The following SAA2 variants were observed in gnomAD, a reference collection of about 807,000 sequenced individuals.
The protein encoded by SAA2 is serum amyloid A-2 protein.
Under a neutral mutation model 9.1 loss-of-function variants are expected in SAA2, and 5 were observed. That is an observed-to-expected ratio of 0.55 (90% CI 0.29 to 1.16). The LOEUF is 1.16. Among genes scored for constraint, SAA2 ranks in the 50% most tolerant of loss-of-function variants. The pLI is 0.09. For missense variants in SAA2, 94 were observed against 153.8 expected, an observed-to-expected ratio of 0.61 and a Z score of 2.06; for synonymous variants, 49 against 59.8, an observed-to-expected ratio of 0.82 and a Z score of 0.83.
rs750662874 is a variant in SAA2 at position 18,245,459 on chromosome 11, G to A, written c.287C>T (p.Ala96Val). The change falls in exon 4 of 4, where the codon GCC (alanine) becomes GTC (valine). Residue 96 changes from alanine to valine, a missense_variant. Ala to Val is a moderately conservative substitution (Grantham distance 64). Around this residue, in one of 2 missense-constraint regions of SAA2, gnomAD observed 62 missense variants for 58.3 expected, o/e 1.06. Coordinates refer to ENST00000256733, the MANE Select transcript of SAA2 (RefSeq NM_030754.5). ...LTGRGAEDSL[A>V]DQAANKWGRS... The stretch of plus-strand genomic sequence containing the variant: ...GCCCCATTTATTGGCAGCCTGATCG[G>A]CCAGCGAGTCCTCCGCACCACGGCC... 6.2e-7 allele frequency: 1 copy of A among 1,614,196 alleles called. No individual in the cohort carries two copies. The highest frequency in any genetic ancestry group is 2.2e-5 in the East Asian group (1 of 44,878).
downstream of SAA2, among the ~76,000 whole-genome samples, chr11:18,244,526 T>G (rs918009305): frequency 6.6e-6 from 1 of 152,262 alleles, no homozygotes; most frequent in Admixed American, 6.5e-5. Context: ...TTCTGTACTC[T>G]TAGAAGTTAA....
chr11:18,246,073 G>A, intron 2 of SAA2, 25 bp from the exon 3 acceptor site: 1 of 1,608,478 alleles, frequency 6.2e-7, no homozygotes, highest in African/African-American at 1.3e-5. Context: ...AAAGGCAGAA[G>A]GGACATCAGG....
chr11:18,243,763 A>T (rs1473897335), downstream of SAA2, among the ~76,000 whole-genome samples: 1 of 152,194 alleles, frequency 6.6e-6, no homozygotes, highest in Admixed American at 6.5e-5. Flanking sequence ...TAATTTTATA[A>T]CTAGTCTTCT....
At chr11:18,241,916 GAATA>G (rs751309662), downstream of SAA2, among the ~76,000 whole-genome samples, 111 of 152,116 alleles carry the variant, frequency 7.3e-4, no homozygotes, top group Admixed American at 2.8e-3. Flanking sequence ...ATAAATGAAT[GAATA>G]TTTTAAATAA....
downstream of SAA2, among the ~76,000 whole-genome samples, chr11:18,243,522 G>T (rs779690014): frequency 2.0e-5 from 3 of 152,112 alleles, no homozygotes; most frequent in Non-Finnish European, 4.4e-5. Flanking sequence ...CTGCTCCCAT[G>T]AGCCAATCTT....
chr11:18,245,761 C>A, intron 3 of SAA2, 149 bp downstream of exon 3: 2 of 1,457,418 alleles, frequency 1.4e-6, no homozygotes, highest in Non-Finnish European at 1.8e-6. Flanking sequence ...CCACTCAGAC[C>A]CTCACACTGA....
intron 3 of SAA2, 102 bp downstream of exon 3, chr11:18,245,808 C>T (rs1378390377): frequency 2.2e-6 from 3 of 1,392,604 alleles, no homozygotes; most frequent in East Asian, 5.2e-5. Flanking sequence ...GAGGAGGGAC[C>T]ACAGCCTCTA....
At chr11:18,241,646 A>G (rs1462607300), downstream of SAA2, among the ~76,000 whole-genome samples, 7 of 152,224 alleles carry the variant, frequency 4.6e-5, no homozygotes, top group Non-Finnish European at 1.0e-4. Flanking sequence ...TAAGTGAAAT[A>G]ACCCAGAAAG....
rs751024797 is a variant in SAA2 at position 18,245,912 on chromosome 11, G to T, written c.228C>A (p.Ile76=). ...GPGGAWAAEV[I]SNARENIQRL... The stretch of plus-strand genomic sequence containing the variant: ...AACGTCCCAGGAGCTCCAGTTACCT[G>T]ATCACTTCTGCAGCCCAGGCACCCC... The change falls in exon 3 of 4, where the codon ATC becomes ATA. Residue 76 remains isoleucine (I), a splice_region_variant and synonymous_variant. Transcript: ENST00000256733. 6.2e-7 allele frequency: 1 copy of T among 1,613,916 alleles called. No individual in the cohort carries two copies. Among genetic ancestry groups the T allele is most frequent in the African/African-American group, 1.3e-5 (1 of 74,908 alleles).
At chr11:18,245,607 G>A (rs910484918) in intron 3 of SAA2, 92 bp from the exon 4 acceptor site, 10 of 1,530,766 alleles carry the variant, frequency 6.5e-6, no homozygotes, top group African/African-American at 2.7e-5. Context: ...GGAGGGCTCA[G>A]AGAGGAGCCC....
At position 18,245,855 on chromosome 11, in the gene SAA2, C is replaced by T. The variant is rs1857503787; in HGVS notation, c.230+55G>A. ...AGGAGCTCGTCTCCCTCCTGACTGTCCAAGGCAGGCAAGCTCTGCTCACCC... is the reference window on the plus strand; with the variant it reads ...AGGAGCTCGTCTCCCTCCTGACTGTTCAAGGCAGGCAAGCTCTGCTCACCC... On this transcript the variant is annotated intron_variant, in intron 3 of 3. Transcript: ENST00000256733. 13 of 1,608,142 alleles carry T rather than the reference C, an allele frequency of 8.1e-6. 1 individual carries two copies. The Middle Eastern group carries it at 9.9e-4, about 123-fold the overall frequency.
Position 18,245,424 on chromosome 11 carries a change from T to C in SAA2, c.322A>G (p.Arg108Gly). ...GCAGGTCGGAAGTGATTGGGGTCTC[T>C]GCCACTCCTGCCCCATTTATTGGCA... is the stretch of plus-strand genomic sequence containing the variant. ...QAANKWGRSG[R>G]DPNHFRPAGL... The change falls in exon 4 of 4, where the codon AGA becomes GGA. Residue 108 changes from arginine to glycine, a missense_variant. Transcript: ENST00000256733. The C allele has an allele frequency of 2.5e-6, 4 of 1,614,248 alleles. No homozygotes were observed. The highest frequency in any genetic ancestry group is 3.4e-6 in the Non-Finnish European group (4 of 1,180,040).
chr11:18,245,480 C>T lies in SAA2; in HGVS notation c.266G>A (p.Arg89His), dbSNP rs2468844. 0.85 allele frequency: 1,373,700 copies of T among 1,613,990 alleles called. 587,906 individuals carry two copies. The highest frequency in any genetic ancestry group is 0.92 in the East Asian group (41,149 of 44,870). ...ATCGGCCAGCGAGTCCTCCGCACCA[C>T]GGCCTGTGAGTCTCTGGATATTCTC... Reference protein sequence around the residue: ...ARENIQRLTGRGAEDSLADQA... With the variant: ...ARENIQRLTGHGAEDSLADQA... The change falls in exon 4 of 4, where the codon CGT (arginine) becomes CAT (histidine). Residue 89 changes from arginine (R) to histidine (H), a missense_variant. By Grantham distance (29) the Arg-to-His change is conservative. Around this residue, in one of 2 missense-constraint regions of SAA2, gnomAD observed 62 missense variants for 58.3 expected, o/e 1.06. Coordinates refer to ENST00000256733, the MANE Select transcript of SAA2 (RefSeq NM_030754.5).
chr11:18,245,189 T>C (rs1157632813), downstream of SAA2: 1 of 1,371,692 alleles, frequency 7.3e-7, no homozygotes, highest in African/African-American at 1.5e-5. Context: ...ATTTCCCTTT[T>C]GTACCAAACA....
At chr11:18,243,084 T>C (rs1304981244), downstream of SAA2, among the ~76,000 whole-genome samples, 1 of 151,824 alleles carries the variant, frequency 6.6e-6, no homozygotes. Flanking sequence ...AATTTTTTTC[T>C]TGTTTTTTTT....
At chr11:18,241,302 C>T (rs941002985), downstream of SAA2, among the ~76,000 whole-genome samples, 1 of 152,176 alleles carries the variant, frequency 6.6e-6, no homozygotes, top group African/African-American at 2.4e-5. Context: ...TCAATTAGTA[C>T]AGCCTCTGTG....
chr11:18,245,452 C>A lies in SAA2; in HGVS notation c.294G>T (p.Gln98His), dbSNP rs1857476727. The A allele has an allele frequency of 6.2e-7, 1 of 1,614,226 alleles. No homozygotes were observed. The highest frequency in any genetic ancestry group is 1.7e-5 in the Admixed American group (1 of 60,032). ...CACTCCTGCCCCATTTATTGGCAGC[C>A]TGATCGGCCAGCGAGTCCTCCGCAC... ...GRGAEDSLADQAANKWGRSGR... is the reference protein window; with the variant it reads ...GRGAEDSLADHAANKWGRSGR... The change falls in exon 4 of 4, where the codon CAG (glutamine) becomes CAT (histidine). Residue 98 changes from glutamine (Q) to histidine (H), a missense_variant. This residue lies in a region of SAA2 where 62 missense variants were observed against 58.3 expected (regional missense o/e 1.06). Coordinates refer to ENST00000256733, the MANE Select transcript of SAA2 (RefSeq NM_030754.5).
At chr11:18,243,065 C>T (rs1173923726), downstream of SAA2, among the ~76,000 whole-genome samples, 1 of 151,900 alleles carries the variant, frequency 6.6e-6, no homozygotes, top group Non-Finnish European at 1.5e-5. Context: ...ATACAAATTT[C>T]GATTTAAAAA....
chr11:18,239,086 G>A (rs1363256134), downstream of SAA2: 3 of 151,908 alleles, frequency 2.0e-5, no homozygotes, highest in Non-Finnish European at 4.4e-5. Context: ...TAAATATTTA[G>A]CATATTTGGA....
Sources: allele counts gnomAD v4.1 joint callset (sites outside exome capture counted in the v4.1 genomes callset), GRCh38; gene constraint gnomAD v4.1.1; regional missense constraint gnomAD v4.1.1; transcripts MANE v1.5; gene names NCBI Gene and HGNC (gene_info 2026-07-23, HGNC 2026-07-21).